The following ZNF562 variants were observed in gnomAD, a reference collection of about 807,000 sequenced individuals.
ZNF562 encodes zinc finger protein 562.
In ZNF562, 13 loss-of-function variants were observed where a neutral mutation model predicts 17.5. That is an observed-to-expected ratio of 0.74 (90% CI 0.48 to 1.18). The LOEUF is 1.18. ZNF562 is among the 50% of genes most tolerant of loss of function. ZNF562 has a pLI of 0.00. For synonymous variants in ZNF562, 163 were observed against 165.4 expected, an observed-to-expected ratio of 0.99 and a Z score of 0.11; for missense variants, 481 against 498.5, an observed-to-expected ratio of 0.96 and a Z score of 0.33.
chr19:9,660,787 T>C lies in ZNF562; in HGVS notation c.-43A>G. 3 of 1,610,688 alleles carry C rather than the reference T, an allele frequency of 1.9e-6. No homozygotes were observed. The East Asian group carries it at 6.7e-5, about 36-fold the overall frequency. On this transcript the variant is annotated 5_prime_UTR_variant, in exon 2 of 6. Transcript: ENST00000453372. ...GAGATGTGCCTCAATGCTGTCTTTC[T>C]TGATGCCAAGATCGCCTCAGGGCAG...
intron 1 of ZNF562, among the ~76,000 whole-genome samples, chr19:9,673,311 C>G (rs2044270422): frequency 6.6e-6 from 1 of 152,198 alleles, no homozygotes; most frequent in South Asian, 2.1e-4. Flanking sequence ...CTCTCGCCAT[C>G]ACTCCATCCA....
chr19:9,656,440 T>C, intron 5 of ZNF562, 107 bp downstream of exon 5: 1 of 1,211,852 alleles, frequency 8.3e-7, no homozygotes, highest in Non-Finnish European at 1.2e-6. Context: ...ACCTGGGAGT[T>C]GGAGGTTGCG....
chr19:9,669,713 CGCGA>C (rs1568281487), intron 1 of ZNF562, among the ~76,000 whole-genome samples: 2,050 of 92,450 alleles, frequency 0.022, 49 homozygotes, highest in African/African-American at 0.069. Flanking sequence ...CATGCACGCG[CGCGA>C]GCGCGCGCGC....
chr19:9,674,420 T>C (rs537720496), intron 1 of ZNF562, among the ~76,000 whole-genome samples: 9 of 151,872 alleles, frequency 5.9e-5, no homozygotes, highest in African/African-American at 2.2e-4. Flanking sequence ...AAAACTCATA[T>C]CTAACAATCA....
intron 5 of ZNF562, among the ~76,000 whole-genome samples, chr19:9,656,063 A>G (rs945933538): frequency 6.6e-6 from 1 of 151,998 alleles, no homozygotes; most frequent in Non-Finnish European, 1.5e-5. Flanking sequence ...GTATATTGCT[A>G]TACTGCCTAG....
rs1045098267 is a variant in ZNF562, at chr19:9,649,342, C to T, written c.*3607G>A. On this transcript the variant is annotated 3_prime_UTR_variant, in exon 6 of 6. Coordinates refer to ENST00000453372, the MANE Select transcript of ZNF562 (RefSeq NM_001130031.2). ...TTTGAGCAATATGAAATCTGGGCAC[C>T]TTGAAAAAAGAACAGGATAACAGCA... 1.3e-5 allele frequency: 2 copies of T among 152,106 alleles called. No individual in the cohort carries two copies. The highest frequency in any genetic ancestry group is 4.8e-5 in the African/African-American group (2 of 41,408). The allele number at this position is 152,106 out of a possible 1,614,324, so 9.4% of individuals were successfully genotyped here.
intron 1 of ZNF562, among the ~76,000 whole-genome samples, chr19:9,662,322 T>G (rs1054524750): frequency 1.3e-5 from 2 of 151,818 alleles, no homozygotes; most frequent in African/African-American, 4.8e-5. Flanking sequence ...ACTTGTAATC[T>G]CAGTACTTTG....
At position 9,656,528 on chromosome 19, in the gene ZNF562, T is replaced by A; in HGVS notation, c.348+19A>T. ...TCAAAAAACAGAAGAAAAAAATAAG[T>A]ATCCCTCATGAATCTTACCATTTGT... is the stretch of plus-strand genomic sequence containing the variant. On this transcript the variant is annotated intron_variant, in intron 5 of 5. Transcript: ENST00000453372. 6.2e-7 allele frequency: 1 copy of A among 1,610,536 alleles called. No individual in the cohort carries two copies. The highest frequency in any genetic ancestry group is 1.3e-5 in the African/African-American group (1 of 74,848).
At position 9,652,460 on chromosome 19, in the gene ZNF562, C is replaced by T. The variant is rs1375433875; in HGVS notation, c.*489G>A. On this transcript the variant is annotated 3_prime_UTR_variant, in exon 6 of 6. Coordinates refer to ENST00000453372, the MANE Select transcript of ZNF562 (RefSeq NM_001130031.2). ...TGCCACACTGGCAGCCACTAACCAA[C>T]AGGGGCTGGGATCAATCTGCATGAT... 6.6e-6 allele frequency: 1 copy of T among 152,298 alleles called. No individual in the cohort carries two copies. The highest frequency in any genetic ancestry group is 2.4e-5 in the African/African-American group (1 of 41,422). The allele number at this position is 152,298 out of a possible 1,614,324, so 9.4% of individuals were successfully genotyped here.
chr19:9,645,009 C>T lies in ZNF562; in HGVS notation c.*7940G>A, dbSNP rs1359709282. On this transcript the variant is annotated 3_prime_UTR_variant, in exon 6 of 6. Transcript: ENST00000453372. ...AAATCTTGATTTTCTCATTGCAGCT[C>T]ATAGTGGGAGATGCCCAGTCTCTCT... 1 of 151,990 alleles carries T rather than the reference C, an allele frequency of 6.6e-6. No individual in the cohort carries two copies. Among genetic ancestry groups the T allele is most frequent in the East Asian group, 1.9e-4 (1 of 5,188 alleles). 9.4% of individuals were successfully genotyped at this position (151,990 alleles called of 1,614,324 possible).
intron 4 of ZNF562, 127 bp from the exon 5 acceptor site, chr19:9,656,780 T>G: frequency 1.2e-6 from 1 of 846,702 alleles, no homozygotes. Context: ...ATCCCAGGAC[T>G]TTGGGAGGCT....
Position 9,667,685 on chromosome 19 carries a change from G to C in ZNF562, c.-130-6811C>G, listed in dbSNP as rs897821784. Among the ~76,000 whole-genome samples the C allele has an allele frequency of 3.3e-5, 5 of 152,076 alleles. No homozygotes were observed. The East Asian group carries it at 9.6e-4, about 29-fold the overall frequency. ...AGCTCACTGCAGCCTTGGTCTCCTG[G>C]GCTCAAGTGATACTCCTGCCTCAGC... On this transcript the variant is annotated intron_variant, in intron 1 of 5. Coordinates refer to ENST00000453372, the MANE Select transcript of ZNF562 (RefSeq NM_001130031.2).
chr19:9,660,899 C>T, intron 1 of ZNF562, 25 bp from the exon 2 acceptor site: 1 of 612,786 alleles, frequency 1.6e-6, no homozygotes. Context: ...CACCAAACAA[C>T]AAGCATCAAA....
In ZNF562 at chr19:9,643,737, A is replaced by AGTAATC. The variant is rs746660363; in HGVS notation, c.*9206_*9211dup. 2.0e-5 allele frequency: 3 copies of AGTAATC among 152,030 alleles called. No individual in the cohort carries two copies. Among genetic ancestry groups the AGTAATC allele is most frequent in the Non-Finnish European group, 2.9e-5 (2 of 68,008 alleles). The allele number at this position is 152,030 out of a possible 1,614,324, so 9.4% of individuals were successfully genotyped here. On this transcript the variant is annotated 3_prime_UTR_variant, in exon 6 of 6. Coordinates refer to ENST00000453372, the MANE Select transcript of ZNF562 (RefSeq NM_001130031.2). ...GGCAGGTCTCGAACTCCTGAGCTCA[A>AGTAATC]GTAATCCTTTTGCCTCCTTTCAAAG...
Position 9,653,626 on chromosome 19 carries a change from G to C in ZNF562, c.604C>G (p.Gln202Glu), listed in dbSNP as rs1318083590. 6.2e-7 allele frequency: 1 copy of C among 1,613,966 alleles called. No individual in the cohort carries two copies. Among genetic ancestry groups the C allele is most frequent in the African/African-American group, 1.3e-5 (1 of 74,940 alleles). Residue 202 changes from glutamine (Q) to glutamate (E), a missense_variant, in exon 6 of 6, where the codon CAA becomes GAA. Physicochemically the swap from Gln to Glu is conservative, Grantham distance 29 (BLOSUM62 2). Transcript: ENST00000453372. ...CCACATTCCTTACATTTGTAGGGTT[G>C]TCTTCCATTGAGAATTTCAAGATGC... Reference protein sequence around the residue: ...AVHLEILNGRQPYKCKECGKG... With the variant: ...AVHLEILNGREPYKCKECGKG...
chr19:9,663,595 T>C lies in ZNF562; in HGVS notation c.-130-2721A>G, dbSNP rs148204313. On this transcript the variant is annotated intron_variant, in intron 1 of 5. Coordinates refer to ENST00000453372, the MANE Select transcript of ZNF562 (RefSeq NM_001130031.2). ...TTTTTTTTTGTTTTGTTTTTGTTTT[T>C]TGAGACGGAGTCTTGCTCTTATCGC... 1.2e-4 allele frequency among the ~76,000 whole-genome samples: 19 copies of C among 152,198 alleles called. No individual in the cohort carries two copies. In the East Asian group the frequency reaches 3.1e-3, roughly 25 times the overall value.
chr19:9,673,410 A>AT (rs1384693177), intron 1 of ZNF562, among the ~76,000 whole-genome samples: 3 of 151,950 alleles, frequency 2.0e-5, no homozygotes, highest in Non-Finnish European at 2.9e-5. Flanking sequence ...CCAGCGTTTT[A>AT]TTTTTTTATC....
chr19:9,668,329 C>A (rs2044027832), intron 1 of ZNF562, among the ~76,000 whole-genome samples: 1 of 151,914 alleles, frequency 6.6e-6, no homozygotes, highest in African/African-American at 2.4e-5. Flanking sequence ...GCATGAGCTA[C>A]AACTGCACCA....
intron 3 of ZNF562, among the ~76,000 whole-genome samples, chr19:9,658,726 T>C (rs956649319): frequency 1.6e-4 from 24 of 152,028 alleles, no homozygotes; most frequent in African/African-American, 5.1e-4. Context: ...TTTTTTTTAA[T>C]TTTAATTTTT....
Sources: gnomAD v4.1 joint callset for allele counts (sites outside exome capture counted in the v4.1 genomes callset) on GRCh38, gnomAD v4.1.1 for gene constraint, MANE v1.5 for transcripts, NCBI Gene and HGNC (gene_info 2026-07-23, HGNC 2026-07-21) for gene names.